NAALADL2: variants seen among roughly 807,000 people sequenced by gnomAD.
NAALADL2 encodes the protein inactive N-acetylated-alpha-linked acidic dipeptidase-like protein 2.
NAALADL2 carries 76 observed loss-of-function variants against 87.2 expected under a neutral mutation model. The observed-to-expected ratio is 0.87, with a 90% confidence interval of 0.72 to 1.05. The LOEUF is 1.05. Among genes scored for constraint, NAALADL2 ranks in the 50% least tolerant of loss-of-function variants. NAALADL2 has a pLI of 0.00. For missense variants in NAALADL2, 1,089 were observed against 945.8 expected (o/e 1.15, Z -1.99); for synonymous variants, 354 against 331.0 (o/e 1.07, Z -0.75).
chr3:175,078,545 A>G (rs1295439547), intron 1 of NAALADL2, among the ~76,000 whole-genome samples: 1 of 152,168 alleles, frequency 6.6e-6, no homozygotes, highest in Admixed American at 6.5e-5. Context: ...CATCGTACCA[A>G]AAATAAAGTC....
intron 4 of NAALADL2, among the ~76,000 whole-genome samples, chr3:175,323,554 A>T (rs1760229362): frequency 6.6e-6 from 1 of 152,108 alleles, no homozygotes; most frequent in Admixed American, 6.6e-5. Context: ...TAGAAAGTTA[A>T]AATCCACTTA....
intron 2 of NAALADL2, among the ~76,000 whole-genome samples, chr3:175,118,121 G>T (rs199603699): frequency 6.7e-4 from 83 of 124,110 alleles, no homozygotes; most frequent in African/African-American, 2.2e-3. Flanking sequence ...GTCGTAGGGT[G>T]GGGGGGAGGC....
chr3:175,188,746 A>G (rs1327558435), intron 2 of NAALADL2, among the ~76,000 whole-genome samples: 2 of 151,758 alleles, frequency 1.3e-5, no homozygotes, highest in African/African-American at 4.8e-5. Flanking sequence ...ACTTAATCCT[A>G]TTGCACCTGG....
At chr3:175,260,119 G>T (rs1048341075) in intron 4 of NAALADL2, among the ~76,000 whole-genome samples, 3 of 152,076 alleles carry the variant, frequency 2.0e-5, no homozygotes, top group Non-Finnish European at 4.4e-5. Flanking sequence ...CTTTGTATTT[G>T]CTACAGATAA....
chr3:174,643,684 C>A (rs982647420), intron 2 of NAALADL2, among the ~76,000 whole-genome samples: 4 of 152,104 alleles, frequency 2.6e-5, no homozygotes, highest in Non-Finnish European at 5.9e-5. Flanking sequence ...GTTTAATTTC[C>A]TTGCTTGTAC....
At chr3:175,457,685 A>ATTTT (rs763515080) in intron 6 of NAALADL2, among the ~76,000 whole-genome samples, 9 of 131,468 alleles carry the variant, frequency 6.8e-5, no homozygotes, top group East Asian at 2.3e-4. Context: ...TGTCTGGCTA[A>ATTTT]TTTTTTTTTT....
chr3:175,154,679 T>C (rs1003358682), intron 2 of NAALADL2, among the ~76,000 whole-genome samples: 1 of 152,176 alleles, frequency 6.6e-6, no homozygotes, highest in Non-Finnish European at 1.5e-5. Flanking sequence ...GGAAAAAAGC[T>C]TTTCAACTTG....
At chr3:175,602,892 T>G (rs1227549996) in intron 10 of NAALADL2, among the ~76,000 whole-genome samples, 2 of 152,196 alleles carry the variant, frequency 1.3e-5, no homozygotes, top group Admixed American at 6.5e-5. Flanking sequence ...TTTACCAAGA[T>G]TCATCTATTG....
chr3:175,659,058 G>A (rs1431041875), intron 11 of NAALADL2, among the ~76,000 whole-genome samples: 1 of 152,124 alleles, frequency 6.6e-6, no homozygotes, highest in Non-Finnish European at 1.5e-5. Context: ...TATTAACCAT[G>A]TAACTACGGG....
Position 175,526,391 on chromosome 3 carries a change from T to A in NAALADL2, c.1654-49650T>A, listed in dbSNP as rs116779482. Among the ~76,000 whole-genome samples the A allele has an allele frequency of 7.9e-3, 1,200 of 152,330 alleles. 10 individuals are homozygous for A. Among genetic ancestry groups the A allele is most frequent in the African/African-American group, 0.027 (1,110 of 41,568 alleles). Reference sequence around the variant, plus strand: ...TGCAGTCATTATTCCCTATCCTTGCTCTTTAAGCATTTTATGCATTCCAAA... The same window carrying A: ...TGCAGTCATTATTCCCTATCCTTGCACTTTAAGCATTTTATGCATTCCAAA... On this transcript the variant is annotated intron_variant, in intron 9 of 13. Transcript: ENST00000454872.
intron 11 of NAALADL2, among the ~76,000 whole-genome samples, chr3:175,720,146 T>C (rs562169697): frequency 6.6e-6 from 1 of 152,278 alleles, no homozygotes; most frequent in East Asian, 1.9e-4. Context: ...ACAATAAAAA[T>C]TATAAATAAT....
intron 7 of NAALADL2, among the ~76,000 whole-genome samples, chr3:175,463,916 G>C (rs1723580185): frequency 6.6e-6 from 1 of 152,088 alleles, no homozygotes; most frequent in African/African-American, 2.4e-5. Context: ...TGCAGCCTCT[G>C]CCTCCCAAGT....
chr3:175,208,183 C>T (rs1741225517), intron 2 of NAALADL2, among the ~76,000 whole-genome samples: 1 of 152,022 alleles, frequency 6.6e-6, no homozygotes, highest in East Asian at 1.9e-4. Flanking sequence ...TTGATCCTAC[C>T]GTTACTTATT....
At chr3:175,272,192 A>G (rs1401304973) in intron 4 of NAALADL2, among the ~76,000 whole-genome samples, 1 of 152,200 alleles carries the variant, frequency 6.6e-6, no homozygotes, top group East Asian at 1.9e-4. Flanking sequence ...CATTCCAGTA[A>G]GAGAGAAGAT....
At chr3:175,160,076 T>C (rs903152525) in intron 2 of NAALADL2, among the ~76,000 whole-genome samples, 1 of 148,722 alleles carries the variant, frequency 6.7e-6, no homozygotes, top group Non-Finnish European at 1.5e-5. Context: ...GAACCTCAAA[T>C]AATCCACCCA....
chr3:175,155,463 T>A (rs942011195), intron 2 of NAALADL2, among the ~76,000 whole-genome samples: 10 of 152,014 alleles, frequency 6.6e-5, no homozygotes, highest in Non-Finnish European at 1.2e-4. Context: ...ACAGCAAAAC[T>A]AGTTCAGGAA....
intron 1 of NAALADL2, among the ~76,000 whole-genome samples, chr3:174,870,032 G>T (rs75295544): frequency 2.6e-4 from 37 of 143,936 alleles, no homozygotes; most frequent in African/African-American, 9.0e-4. Flanking sequence ...AAAAAAAAAG[G>T]CTAATTATGA....
chr3:175,134,392 A>G (rs780786600), intron 2 of NAALADL2, among the ~76,000 whole-genome samples: 1 of 152,032 alleles, frequency 6.6e-6, no homozygotes, highest in Non-Finnish European at 1.5e-5. Flanking sequence ...TAATCCATAC[A>G]TTTACTTCAT....
chr3:175,503,596 A>T (rs1464438346), intron 9 of NAALADL2, among the ~76,000 whole-genome samples: 3 of 152,008 alleles, frequency 2.0e-5, no homozygotes, highest in Non-Finnish European at 4.4e-5. Context: ...AGTATGTGTT[A>T]TTTTTTGACT....
Sources: gnomAD v4.1 joint callset for allele counts (sites outside exome capture counted in the v4.1 genomes callset) on GRCh38, gnomAD v4.1.1 for gene constraint, MANE v1.5 for transcripts, NCBI Gene and HGNC (gene_info 2026-07-23, HGNC 2026-07-21) for gene names.